The following TAF1 variants were observed in gnomAD, a reference collection of about 807,000 sequenced individuals.
The protein encoded by TAF1 is TATA-box binding protein associated factor 1.
A neutral mutation model predicts 138.5 loss-of-function variants in TAF1; 2 were observed. The observed-to-expected ratio is 0.01, with a 90% CI of 0.01 to 0.05. The LOEUF is 0.05. TAF1 is among the 10% of genes least tolerant of loss of function. TAF1 has a pLI of 1.00. For missense variants in TAF1, 709 were observed against 1,478.0 expected, an observed-to-expected ratio of 0.48 and a Z score of 8.53; for synonymous variants, 437 against 503.2, an observed-to-expected ratio of 0.87 and a Z score of 1.76.
At position 71,387,281 on chromosome X, in the gene TAF1, T is replaced by C. The variant is rs773671637; in HGVS notation, c.2247T>C (p.Phe749=). 13 of 1,211,998 alleles carry C rather than the reference T, an allele frequency of 1.1e-5. No homozygotes were observed. The highest frequency in any genetic ancestry group is 1.7e-5 in the African/African-American group (1 of 57,869). The part of the protein sequence containing the change: ...QLLQAFENNL[F]RAPIYLHKMP... ...GTTAGGCATTTGAGAACAACCTTTT[T>C]CGTGCTCCAATTTATCTTCATAAGA... Residue 749 remains phenylalanine, a synonymous_variant, in exon 15 of 38, where the codon TTT becomes TTC. Transcript: ENST00000423759.
chrX:71,383,964 G>C lies in TAF1; in HGVS notation c.1950G>C (p.Met650Ile). 1 of 1,210,487 alleles carries C rather than the reference G, an allele frequency of 8.3e-7. No individual in the cohort carries two copies. The highest frequency in any genetic ancestry group is 1.1e-6 in the Non-Finnish European group (1 of 894,974). Residue 650 changes from methionine (M) to isoleucine (I), a missense_variant and splice_region_variant, in exon 13 of 38, where the codon ATG (methionine) becomes ATC (isoleucine). Around this residue, in one of 14 missense-constraint regions of TAF1, gnomAD observed 201 missense variants for 421.3 expected, o/e 0.48. Coordinates refer to ENST00000423759, the MANE Select transcript of TAF1 (RefSeq NM_004606.5). ...GGTATTTTCTTTGTTCTGGACAGAT[G>C]AGAGAACAAGAGAGGCAAGCTTCAG... The part of the protein sequence containing the change: ...LLKHIKKKAK[M>I]REQERQASGG...
intron 13 of TAF1, among the ~76,000 whole-genome samples, chrX:71,506,688 C>G (rs915421015): frequency 6.8e-5 from 7 of 103,064 alleles, no homozygotes; most frequent in African/African-American, 2.6e-4. Flanking sequence ...GGCAACAGAG[C>G]GAGACCCTGT....
intron 32 of TAF1, among the ~76,000 whole-genome samples, chrX:71,451,980 T>A (rs1374348673): frequency 1.8e-5 from 2 of 112,622 alleles, no homozygotes; most frequent in Non-Finnish European, 3.8e-5. Context: ...CCGTTCTCAA[T>A]GAGCTGTTGG....
rs1195685793 is a variant in TAF1, at chrX:71,377,745, A to G, written c.857A>G (p.Glu286Gly). 8.3e-7 allele frequency: 1 copy of G among 1,211,752 alleles called. No individual in the cohort carries two copies. Among genetic ancestry groups the G allele is most frequent in the Admixed American group, 2.2e-5 (1 of 45,948 alleles). ...GAGGTGGAGTGCTCAGTAGAATCAG[A>G]AGTCAGCCAGAAGTCTTTGTGGAAC... ...IQEVECSVES[E>G]VSQKSLWNYD... The change falls in exon 6 of 38, where the codon GAA becomes GGA. Residue 286 changes from glutamate (E) to glycine (G), a missense_variant. Physicochemically the swap from Glu to Gly is moderately conservative, Grantham distance 98. This residue lies in a region of TAF1 where 26 missense variants were observed against 20.9 expected (regional missense o/e 1.25). Transcript: ENST00000423759.
intron 13 of TAF1, chrX:71,491,126 T>C (rs2039276179): frequency 9.5e-6 from 1 of 105,480 alleles, no homozygotes; most frequent in Admixed American, 1.1e-4. Context: ...TGTAGCTGGT[T>C]GTGATCAATT....
intron 32 of TAF1, among the ~76,000 whole-genome samples, chrX:71,450,285 C>T (rs761133175): frequency 4.5e-5 from 5 of 110,289 alleles, no homozygotes; most frequent in African/African-American, 1.6e-4. Context: ...TCACTGCAAC[C>T]TCTGCCTCCC....
chrX:71,458,372 A>G lies in TAF1; in HGVS notation c.5064+6A>G. On this transcript the variant is annotated splice_donor_region_variant and intron_variant, in intron 35 of 37. Transcript: ENST00000423759. ...CAGAAAAGCAGGTAACACAGGTAGG[A>G]TGTTCTTTTTCTCTTTATAAGATTG... The G allele has an allele frequency of 1.7e-6, 2 of 1,208,979 alleles. No homozygotes were observed. The highest frequency in any genetic ancestry group is 2.2e-6 in the Non-Finnish European group (2 of 894,376).
chrX:71,480,353 C>T (rs184628163), intron 13 of TAF1, among the ~76,000 whole-genome samples: 2 of 111,629 alleles, frequency 1.8e-5, no homozygotes, highest in Middle Eastern at 4.6e-3. Flanking sequence ...TATGATCGCA[C>T]CACTGCACCC....
In TAF1 at chrX:71,460,612, G is replaced by C. The variant is rs764356352; in HGVS notation, c.5222-14G>C. On this transcript the variant is annotated splice_polypyrimidine_tract_variant and intron_variant, in intron 36 of 37. Transcript: ENST00000423759. ...CTTAACTCTTGATGACCCAGAATCT[G>C]TCTCTTTTTACAGCTATCCAGCTGA... The C allele has an allele frequency of 1.8e-4, 223 of 1,207,983 alleles. 1 individual carries two copies. Among genetic ancestry groups the C allele is most frequent in the Non-Finnish European group, 3.2e-5 (29 of 894,294 alleles).
At position 71,381,935 on chromosome X, in the gene TAF1, A is replaced by G; in HGVS notation, c.1537+16A>G. ...CTCATTTTGGGTATATTACTGGCAG[A>G]GGCCAGTGTTTCTTCTCCTTTGAAA... On this transcript the variant is annotated intron_variant, in intron 9 of 37. Transcript: ENST00000423759. 8.9e-7 allele frequency: 1 copy of G among 1,121,985 alleles called. No individual in the cohort carries two copies. The highest frequency in any genetic ancestry group is 1.2e-6 in the Non-Finnish European group (1 of 852,420). 92.5% of individuals were successfully genotyped at this position (1,121,985 alleles called of 1,213,427 possible). A position where few individuals can be genotyped will look rare whatever the true frequency, so the allele number is the denominator to read the frequency against.
chrX:71,417,840 A>G (rs1313633515), intron 28 of TAF1, among the ~76,000 whole-genome samples: 2 of 111,599 alleles, frequency 1.8e-5, no homozygotes, highest in Non-Finnish European at 3.8e-5. Flanking sequence ...ATGGCAACCA[A>G]TATATTCCTC....
intron 3 of TAF1, among the ~76,000 whole-genome samples, chrX:71,372,498 C>T (rs1286577182): frequency 3.9e-5 from 4 of 103,134 alleles, no homozygotes; most frequent in African/African-American, 7.1e-5. Context: ...GATAAAGTAT[C>T]GTAGGACTTG....
chrX:71,464,069 T>G lies in TAF1; in HGVS notation c.*23T>G. 1 of 1,162,349 alleles carries G rather than the reference T, an allele frequency of 8.6e-7. No homozygotes were observed. Among genetic ancestry groups the G allele is most frequent in the Non-Finnish European group, 1.2e-6 (1 of 865,690 alleles). ...TGAGGCTTCCTTTGGGCCTCCTTGGTCAGCCTTCCCTGTTCTCCAGCCTAG... is the reference window on the plus strand; with the variant it reads ...TGAGGCTTCCTTTGGGCCTCCTTGGGCAGCCTTCCCTGTTCTCCAGCCTAG... On this transcript the variant is annotated 3_prime_UTR_variant, in exon 38 of 38. Coordinates refer to ENST00000423759, the MANE Select transcript of TAF1 (RefSeq NM_004606.5).
chrX:71,452,688 A>G (rs2038070769), intron 32 of TAF1, among the ~76,000 whole-genome samples: 1 of 111,942 alleles, frequency 8.9e-6, no homozygotes, highest in Admixed American at 9.4e-5. Flanking sequence ...CAATCTTGGC[A>G]CTTTGGGGGG....
downstream of TAF1, among the ~76,000 whole-genome samples, chrX:71,468,186 G>A (rs1158411320): frequency 9.1e-6 from 1 of 109,618 alleles, no homozygotes; most frequent in Non-Finnish European, 1.9e-5. Flanking sequence ...GAGCCCAGGA[G>A]ATCGAGGCTG....
At chrX:71,396,734 T>TA (rs1448624660) in intron 22 of TAF1, among the ~76,000 whole-genome samples, 2 of 111,464 alleles carry the variant, frequency 1.8e-5, no homozygotes, top group Non-Finnish European at 3.8e-5. Flanking sequence ...TTTTTGTACT[T>TA]ACAAAAGTTG....
At position 71,473,535 on chromosome X, in the gene TAF1, G is replaced by A. The variant is rs2038926972; in HGVS notation, c.1366+12732G>A. Among the ~76,000 whole-genome samples, 4 of 109,126 alleles carry A rather than the reference G, an allele frequency of 3.7e-5. No individual in the cohort carries two copies. The South Asian group carries it at 1.6e-3, about 44-fold the overall frequency. The allele number at this position is 109,126 out of a possible 115,157, so 94.8% of individuals were successfully genotyped here. A position where few individuals can be genotyped will look rare whatever the true frequency, so the allele number is the denominator to read the frequency against. On this transcript the variant is annotated intron_variant and NMD_transcript_variant, in intron 13 of 14. Coordinates refer to the TAF1 transcript ENST00000373775. The stretch of plus-strand genomic sequence containing the variant: ...TTTTTTTTAAATTTTTTAATTAGTC[G>A]GGCATGGTGGTGTGCACCTCTAGTC...
At position 71,464,133 on chromosome X, in the gene TAF1, T is replaced by C; in HGVS notation, c.*87T>C. On this transcript the variant is annotated 3_prime_UTR_variant, in exon 38 of 38. Transcript: ENST00000423759. Reference sequence around the variant, plus strand: ...CCCCAATTTGTTCATATTTGTACAGTATCTGATCCTGAAATCATGAAATTA... The same window carrying C: ...CCCCAATTTGTTCATATTTGTACAGCATCTGATCCTGAAATCATGAAATTA... 1.2e-6 allele frequency: 1 copy of C among 841,318 alleles called. No individual in the cohort carries two copies. The highest frequency in any genetic ancestry group is 1.7e-6 in the Non-Finnish European group (1 of 596,671). The allele number at this position is 841,318 out of a possible 1,213,427, so 69.3% of individuals were successfully genotyped here.
At chrX:71,376,679 AC>A (rs1363025600) in intron 4 of TAF1, among the ~76,000 whole-genome samples, 15 of 109,559 alleles carry the variant, frequency 1.4e-4, no homozygotes, top group Non-Finnish European at 2.7e-4. Flanking sequence ...AAAAAAAAAA[AC>A]AACAAAAAAT....
Sources: allele counts gnomAD v4.1 joint callset (sites outside exome capture counted in the v4.1 genomes callset), GRCh38; gene constraint gnomAD v4.1.1; regional missense constraint gnomAD v4.1.1; transcripts MANE v1.5; gene names NCBI Gene and HGNC (gene_info 2026-07-23, HGNC 2026-07-21).